Variants in SPA17 observed in about 807,000 individuals in gnomAD.
SPA17 encodes sperm autoantigenic protein 17, also known as sperm surface protein Sp17.
Under a neutral mutation model 13.8 loss-of-function variants are expected in SPA17, and 7 were observed. That is an observed-to-expected ratio of 0.51 (90% CI 0.29 to 0.95). The LOEUF is 0.95. SPA17 is among the 40% of genes least tolerant of loss of function. SPA17 has a pLI of 0.08. For synonymous variants in SPA17, 61 were observed against 59.0 expected (o/e 1.03, Z -0.16); for missense variants, 170 against 179.3 (o/e 0.95, Z 0.30).
chr11:124,677,065 C>A (rs1029096131), intron 2 of SPA17, among the ~76,000 whole-genome samples: 1 of 152,158 alleles, frequency 6.6e-6, no homozygotes, highest in South Asian at 2.1e-4. Context: ...GTCATTGTTA[C>A]TGGATCACAA....
intron 2 of SPA17, among the ~76,000 whole-genome samples, chr11:124,679,786 A>G (rs560857817): frequency 8.5e-5 from 13 of 152,344 alleles, no homozygotes; most frequent in East Asian, 3.9e-4. Context: ...ATCAAAGGTT[A>G]CTAGAGGTGT....
intron 3 of SPA17, among the ~76,000 whole-genome samples, chr11:124,682,225 G>C (rs1185495904): frequency 6.6e-6 from 1 of 152,030 alleles, no homozygotes; most frequent in African/African-American, 2.4e-5. Context: ...TGTGTTCCAT[G>C]GTTCAGATAA....
chr11:124,681,833 T>C (rs971115137), intron 3 of SPA17, among the ~76,000 whole-genome samples: 2 of 152,136 alleles, frequency 1.3e-5, no homozygotes, highest in African/African-American at 2.4e-5. Flanking sequence ...TCAAATGTTT[T>C]CAGCATCACA....
At chr11:124,678,575 T>G (rs1943497027) in intron 2 of SPA17, among the ~76,000 whole-genome samples, 1 of 151,932 alleles carries the variant, frequency 6.6e-6, no homozygotes, top group South Asian at 2.1e-4. Flanking sequence ...CCACAGGGTT[T>G]GGCTCTGGCT....
chr11:124,694,447 G>A lies in SPA17; in HGVS notation c.*1G>A. 1 of 1,604,268 alleles carries A rather than the reference G, an allele frequency of 6.2e-7. No individual in the cohort carries two copies. The highest frequency in any genetic ancestry group is 8.5e-7 in the Non-Finnish European group (1 of 1,176,076). The stretch of plus-strand genomic sequence containing the variant: ...TGAGGAAAAAGAGGAAAACAAGTGA[G>A]GACACTGGTTTTACCTCCAGGAAAC... On this transcript the variant is annotated 3_prime_UTR_variant, in exon 5 of 5. Transcript: ENST00000227135.
intron 3 of SPA17, among the ~76,000 whole-genome samples, chr11:124,687,164 T>G (rs1943585237): frequency 4.6e-5 from 7 of 151,784 alleles, no homozygotes; most frequent in Admixed American, 4.6e-4. Context: ...AATTATACAC[T>G]CACAAACTAG....
chr11:124,697,305 T>G lies in SPA17; in HGVS notation c.*2859T>G, dbSNP rs147987584. 2 of 152,356 alleles carry G rather than the reference T, an allele frequency of 1.3e-5. No individual in the cohort carries two copies. The highest frequency in any genetic ancestry group is 2.9e-5 in the Non-Finnish European group (2 of 68,054). The allele number at this position is 152,356 out of a possible 1,614,324, so 9.4% of individuals were successfully genotyped here. ...GCTGGACTACAATCTCAAGGTTAGG[T>G]TCAGGTCAGCTCTAAGCTGTGGGTT... On this transcript the variant is annotated 3_prime_UTR_variant, in exon 5 of 5. Coordinates refer to ENST00000227135, the MANE Select transcript of SPA17 (RefSeq NM_017425.4).
rs1446573949 is a variant in SPA17 at position 124,673,949 on chromosome 11, G to A, written c.-31G>A. On this transcript the variant is annotated 5_prime_UTR_variant, in exon 1 of 5. Coordinates refer to ENST00000227135, the MANE Select transcript of SPA17 (RefSeq NM_017425.4). ...CCGGCGGCACCAGCTCGGAGAGAAA[G>A]GAGGTGAGGCCGCTTCCCCACTTCC... is the stretch of plus-strand genomic sequence containing the variant. 1.2e-5 allele frequency: 7 copies of A among 574,522 alleles called. No homozygotes were observed. Among genetic ancestry groups the A allele is most frequent in the Non-Finnish European group, 1.9e-5 (6 of 323,032 alleles). 35.6% of individuals were successfully genotyped at this position (574,522 alleles called of 1,614,324 possible). A position where few individuals can be genotyped will look rare whatever the true frequency, so the allele number is the denominator to read the frequency against.
chr11:124,689,171 A>G (rs1414874572), intron 3 of SPA17, among the ~76,000 whole-genome samples: 1 of 152,240 alleles, frequency 6.6e-6, no homozygotes, highest in African/African-American at 2.4e-5. Flanking sequence ...CCCATCATGG[A>G]TTAAAGACTT....
chr11:124,679,091 C>G (rs1019855195), intron 2 of SPA17, among the ~76,000 whole-genome samples: 1 of 150,656 alleles, frequency 6.6e-6, no homozygotes, highest in South Asian at 2.1e-4. Flanking sequence ...GAGCCGAGAT[C>G]GCACCACTGC....
In SPA17 at chr11:124,679,030, G is replaced by A. The variant is rs558113892; in HGVS notation, c.155-2359G>A. Among the ~76,000 whole-genome samples the A allele has an allele frequency of 2.0e-5, 3 of 151,850 alleles. No homozygotes were observed. In the East Asian group the frequency reaches 5.8e-4, roughly 29 times the overall value. On this transcript the variant is annotated intron_variant, in intron 2 of 4. Coordinates refer to ENST00000227135, the MANE Select transcript of SPA17 (RefSeq NM_017425.4). ...TAAATTTAAAATTGTTAAGCTACTC[G>A]GGAGGCTGAGGCAAGGGAATGGCTT...
Position 124,695,566 on chromosome 11 carries a change from G to A in SPA17, c.*1120G>A, listed in dbSNP as rs1290001424. On this transcript the variant is annotated 3_prime_UTR_variant, in exon 5 of 5. Transcript: ENST00000227135. Reference sequence around the variant, plus strand: ...GGGTTCATGTCTTAGACCAAAGGGTGCAGTTCTCTTCCCAATACAAAAGGT... The same window carrying A: ...GGGTTCATGTCTTAGACCAAAGGGTACAGTTCTCTTCCCAATACAAAAGGT... 1 of 152,240 alleles carries A rather than the reference G, an allele frequency of 6.6e-6. No homozygotes were observed. The highest frequency in any genetic ancestry group is 1.5e-5 in the Non-Finnish European group (1 of 68,062). 9.4% of individuals were successfully genotyped at this position (152,240 alleles called of 1,614,324 possible).
At chr11:124,687,155 A>G (rs1386106832) in intron 3 of SPA17, among the ~76,000 whole-genome samples, 1 of 152,174 alleles carries the variant, frequency 6.6e-6, no homozygotes, top group Non-Finnish European at 1.5e-5. Context: ...ATTATGAACA[A>G]TTATACACTC....
At chr11:124,678,740 T>C (rs1943498591) in intron 2 of SPA17, among the ~76,000 whole-genome samples, 2 of 152,054 alleles carry the variant, frequency 1.3e-5, no homozygotes, top group African/African-American at 4.8e-5. Context: ...GTTTTTGTTT[T>C]TTGTTTTGGC....
At chr11:124,679,743 G>A (rs928113677) in intron 2 of SPA17, among the ~76,000 whole-genome samples, 3 of 152,170 alleles carry the variant, frequency 2.0e-5, no homozygotes, top group Non-Finnish European at 4.4e-5. Context: ...AGATTAGGCT[G>A]AACGTCTTGC....
At chr11:124,677,924 A>G (rs751945530) in intron 2 of SPA17, among the ~76,000 whole-genome samples, 1 of 152,248 alleles carries the variant, frequency 6.6e-6, no homozygotes, top group African/African-American at 2.4e-5. Context: ...AATCAAAACT[A>G]CACTGAGCTA....
intron 3 of SPA17, 70 bp downstream of exon 3, chr11:124,681,529 A>G (rs1943530686): frequency 8.5e-6 from 10 of 1,175,508 alleles, no homozygotes; most frequent in Non-Finnish European, 1.1e-5. Flanking sequence ...TTATTAGGCT[A>G]TCCCCAGAAT....
At chr11:124,684,423 A>T (rs1016416247) in intron 3 of SPA17, among the ~76,000 whole-genome samples, 2 of 152,082 alleles carry the variant, frequency 1.3e-5, no homozygotes, top group African/African-American at 4.8e-5. Context: ...CACCATGCCC[A>T]GCTAATTTTT....
At chr11:124,689,656 A>T (rs1256179453) in intron 3 of SPA17, among the ~76,000 whole-genome samples, 1 of 151,968 alleles carries the variant, frequency 6.6e-6, no homozygotes, top group African/African-American at 2.4e-5. Flanking sequence ...GTGCACCTGT[A>T]GTCCCCAGCT....
Sources: gnomAD v4.1 joint callset for allele counts (sites outside exome capture counted in the v4.1 genomes callset) on GRCh38, gnomAD v4.1.1 for gene constraint, MANE v1.5 for transcripts, NCBI Gene and HGNC (gene_info 2026-07-23, HGNC 2026-07-21) for gene names.